PSG7: variants seen among roughly 807,000 people sequenced by gnomAD.
PSG7 encodes pregnancy-specific beta-1-glycoprotein 7.
In PSG7, 57 loss-of-function variants were observed where a neutral mutation model predicts 45.6. The observed-to-expected ratio is 1.25, with a 90% confidence interval of 1.01 to 1.56. The LOEUF (loss-of-function observed/expected upper bound fraction) is 1.56. Among genes scored for constraint, PSG7 ranks in the 40% most tolerant of loss-of-function variants. PSG7 has a pLI of 0.00. For missense variants in PSG7, 796 were observed against 508.4 expected, an observed-to-expected ratio of 1.57 and a Z score of -5.44; for synonymous variants, 298 against 194.4, an observed-to-expected ratio of 1.53 and a Z score of -4.43.
At chr19:42,935,937 AG>A (rs991558000) in intron 1 of PSG7, among the ~76,000 whole-genome samples, 168 bp from the exon 2 acceptor site, 2 of 148,538 alleles carry the variant, frequency 1.3e-5, no homozygotes, top group Non-Finnish European at 3.0e-5. Context: ...CACATATAAA[AG>A]GGGCATGTGT....
In PSG7 at chr19:42,937,001, T is replaced by C; in HGVS notation, c.64+12A>G. 1 of 1,610,616 alleles carries C rather than the reference T, an allele frequency of 6.2e-7. No homozygotes were observed. The highest frequency in any genetic ancestry group is 8.5e-7 in the Non-Finnish European group (1 of 1,177,890). On this transcript the variant is annotated intron_variant, in intron 1 of 5. Transcript: ENST00000406070. ...CCTTTTCCTGTCCTCTCCCAGGAAG[T>C]TCTCTCCTCACCTGTGAGCAGGAGC...
rs191633528 is a variant in PSG7, at chr19:42,933,491, T to A, written c.430+1913A>T. ...AGCTCATTCTCTTAGTGACCTGGGG[T>A]CATTGGCTCGAGATGAAGCCTGGCA... On this transcript the variant is annotated intron_variant, in intron 2 of 5. Coordinates refer to ENST00000406070, the MANE Select transcript of PSG7 (RefSeq NM_002783.3). Among the ~76,000 whole-genome samples, 220 of 147,082 alleles carry A rather than the reference T, an allele frequency of 1.5e-3. 1 individual carries two copies. Among genetic ancestry groups the A allele is most frequent in the African/African-American group, 3.4e-3 (137 of 39,768 alleles).
chr19:42,925,691 C>G, intron 5 of PSG7, 82 bp downstream of exon 5: 1 of 1,604,420 alleles, frequency 6.2e-7, no homozygotes, highest in East Asian at 2.2e-5. Context: ...GCTGGGAATA[C>G]AAATGTTTTC....
rs1290179135 is a variant in PSG7, at chr19:42,935,396, T to C, written c.430+8A>G. ...CCCAACACCCAGGGACCATGTGGAA[T>C]CACTCACGGTATAAGGTGAAGGTGA... On this transcript the variant is annotated splice_region_variant and intron_variant, in intron 2 of 5. Transcript: ENST00000406070. 1 of 1,611,190 alleles carries C rather than the reference T, an allele frequency of 6.2e-7. No homozygotes were observed. Among genetic ancestry groups the C allele is most frequent in the African/African-American group, 1.3e-5 (1 of 74,608 alleles).
intron 2 of PSG7, among the ~76,000 whole-genome samples, chr19:42,931,764 C>G (rs1407186238): frequency 6.6e-6 from 1 of 151,372 alleles, no homozygotes; most frequent in East Asian, 1.9e-4. Context: ...GATCTGGTCC[C>G]CAAACCACCT....
rs907403306 is a variant in PSG7, at chr19:42,929,576, C to T, written c.575G>A (p.Ser192Asn). ...MNGQSLPMTH[S>N]LQLSETNRTL... ...CCTGTTGGTTTCAGACAGCTGCAAG[C>T]TGTGAGTCATAGGGAGGCTCTGACC... Residue 192 changes from serine to asparagine, a missense_variant, in exon 3 of 6, where the codon AGC becomes AAC. Physicochemically the swap from Ser to Asn is conservative, Grantham distance 46. Coordinates refer to ENST00000406070, the MANE Select transcript of PSG7 (RefSeq NM_002783.3). 2.4e-5 allele frequency: 39 copies of T among 1,612,492 alleles called. 2 individuals carry two copies. Among genetic ancestry groups the T allele is most frequent in the Non-Finnish European group, 3.2e-5 (38 of 1,179,250 alleles).
chr19:42,926,414 G>C lies in PSG7; in HGVS notation c.988+24C>G, dbSNP rs372573112. ...GCTGGTGTCCTGGCCCACAGAGGAA[G>C]AAAGGATACTCAAGGATACTCACAG... On this transcript the variant is annotated intron_variant, in intron 4 of 5. Transcript: ENST00000406070. The C allele has an allele frequency of 2.2e-5, 35 of 1,609,960 alleles. 2 individuals carry two copies. Among genetic ancestry groups the C allele is most frequent in the African/African-American group, 1.2e-4 (9 of 74,596 alleles).
At chr19:42,930,008 C>T (rs1972985533) in intron 2 of PSG7, among the ~76,000 whole-genome samples, 1 of 151,620 alleles carries the variant, frequency 6.6e-6, no homozygotes, top group African/African-American at 2.4e-5. Context: ...TGGTGCCTCT[C>T]TGAGTCCCTC....
chr19:42,932,420 A>G, intron 2 of PSG7, among the ~76,000 whole-genome samples: 1 of 151,578 alleles, frequency 6.6e-6, no homozygotes, highest in South Asian at 2.1e-4. Flanking sequence ...TATGCCTGAC[A>G]GAAAGCCAGA....
intron 3 of PSG7, 182 bp from the exon 4 acceptor site, chr19:42,926,898 A>C (rs145596119): frequency 2.6e-6 from 3 of 1,174,936 alleles, no homozygotes; most frequent in African/African-American, 1.5e-5. Context: ...CTGTGAGGCC[A>C]CCTGCTCAGT....
intron 2 of PSG7, among the ~76,000 whole-genome samples, chr19:42,930,777 G>C (rs199826061): frequency 6.6e-6 from 1 of 151,610 alleles, no homozygotes; most frequent in African/African-American, 2.4e-5. Flanking sequence ...TAGGGGAATA[G>C]GGCACTGTTC....
In PSG7 at chr19:42,929,726, C is replaced by A. The variant is rs199910890; in HGVS notation, c.431-6G>T. On this transcript the variant is annotated splice_polypyrimidine_tract_variant and splice_region_variant and intron_variant, in intron 2 of 5. Coordinates refer to ENST00000406070, the MANE Select transcript of PSG7 (RefSeq NM_002783.3). ...GGAGGGTTTGGGAGTCTCCACTGTG[C>A]GGAAAACAGAGAGAAGATTGCCCTG... The A allele has an allele frequency of 6.2e-7, 1 of 1,609,862 alleles. No individual in the cohort carries two copies. The highest frequency in any genetic ancestry group is 1.3e-5 in the African/African-American group (1 of 74,588).
At chr19:42,935,899 CACACACACACACACAA>C (rs1422135632) in intron 1 of PSG7, 130 bp from the exon 2 acceptor site, 41 of 1,256,414 alleles carry the variant, frequency 3.3e-5, no homozygotes, top group Non-Finnish European at 3.5e-5. Flanking sequence ...CACACACACA[CACACACACACACACAA>C]ACACACACAC....
chr19:42,936,726 C>T lies in PSG7; in HGVS notation c.64+287G>A, dbSNP rs768448730. Reference sequence around the variant, plus strand: ...GCAGTGGTGCTATCTCGGCTAGCTGCAACTTCTGCCTCCCGGGTTCATGTG... The same window carrying T: ...GCAGTGGTGCTATCTCGGCTAGCTGTAACTTCTGCCTCCCGGGTTCATGTG... On this transcript the variant is annotated intron_variant, in intron 1 of 5. Coordinates refer to ENST00000406070, the MANE Select transcript of PSG7 (RefSeq NM_002783.3). 2.6e-5 allele frequency among the ~76,000 whole-genome samples: 4 copies of T among 151,244 alleles called. 1 individual carries two copies. The highest frequency in any genetic ancestry group is 1.9e-4 in the East Asian group (1 of 5,152).
chr19:42,927,947 C>G lies in PSG7; in HGVS notation c.710-1231G>C, dbSNP rs564706455. Among the ~76,000 whole-genome samples the G allele has an allele frequency of 5.7e-4, 86 of 151,762 alleles. 3 individuals carry two copies. Among genetic ancestry groups the G allele is most frequent in the African/African-American group, 2.1e-3 (86 of 41,368 alleles). ...CATTTTTTGATTCTGAAATATTTGTCATATACTTACTGGTTAAGCATCCCA... is the reference window on the plus strand; with the variant it reads ...CATTTTTTGATTCTGAAATATTTGTGATATACTTACTGGTTAAGCATCCCA... On this transcript the variant is annotated intron_variant, in intron 3 of 5. Transcript: ENST00000406070.
intron 5 of PSG7, 136 bp from the exon 6 acceptor site, chr19:42,924,960 T>G (rs986094237): frequency 1.5e-6 from 1 of 676,968 alleles, no homozygotes; most frequent in Admixed American, 2.2e-5. Flanking sequence ...TTCAGTAGAA[T>G]AAGTTTGTTT....
chr19:42,926,455 A>G lies in PSG7; in HGVS notation c.971T>C (p.Val324Ala). The change falls in exon 4 of 6, where the codon GTC becomes GCC. Residue 324 changes from valine to alanine, a missense_variant. Coordinates refer to ENST00000406070, the MANE Select transcript of PSG7 (RefSeq NM_002783.3). ...DRYGGIRSDP[V>A]TLNVLYGPDL... ...ATACTCACAGAGGACATTCAGGGTG[A>G]CTGGGTCACTGCGGATGCCACCATA... 3 of 1,611,638 alleles carry G rather than the reference A, an allele frequency of 1.9e-6. No individual in the cohort carries two copies. The highest frequency in any genetic ancestry group is 2.5e-6 in the Non-Finnish European group (3 of 1,178,976).
chr19:42,935,552 T>G lies in PSG7; in HGVS notation c.282A>C (p.Ala94=), dbSNP rs782278233. 7.4e-6 allele frequency: 12 copies of G among 1,612,054 alleles called. No individual in the cohort carries two copies. The highest frequency in any genetic ancestry group is 6.7e-5 in the Admixed American group (4 of 59,836). ...AATATACTGTTTCTCGTCCACTGTATGCAGGCCCATATTTAATTATTTGAC... is the reference window on the plus strand; with the variant it reads ...AATATACTGTTTCTCGTCCACTGTAGGCAGGCCCATATTTAATTATTTGAC... ...VDGQIIKYGP[A]YSGRETVYSN... Residue 94 remains alanine (A), a synonymous_variant, in exon 2 of 6, where the codon GCA becomes GCC. Coordinates refer to ENST00000406070, the MANE Select transcript of PSG7 (RefSeq NM_002783.3).
chr19:42,934,598 T>C (rs10416723), intron 2 of PSG7, among the ~76,000 whole-genome samples: 61,652 of 151,448 alleles, frequency 0.41, 14,885 homozygotes, highest in African/African-American at 0.64. Context: ...TGCGTAGCAC[T>C]GTGGAAATGT....
Sources: gnomAD v4.1 joint callset for allele counts (sites outside exome capture counted in the v4.1 genomes callset) on GRCh38, gnomAD v4.1.1 for gene constraint, MANE v1.5 for transcripts, NCBI Gene and HGNC (gene_info 2026-07-23, HGNC 2026-07-21) for gene names.